SLC39A11: variants seen among roughly 807,000 people sequenced by gnomAD.
SLC39A11 encodes the protein solute carrier family 39 member 11.
Under a neutral mutation model 36.1 loss-of-function variants are expected in SLC39A11, and 33 were observed. That is an observed-to-expected ratio of 0.91 (90% CI 0.69 to 1.22). The LOEUF (loss-of-function observed/expected upper bound fraction) is 1.22, where lower values mean the gene tolerates loss of function less well. Ranked by LOEUF, SLC39A11 falls within the 50% of genes most tolerant of loss-of-function variation. SLC39A11 has a pLI of 0.00. For missense variants in SLC39A11, 432 were observed against 430.3 expected, an observed-to-expected ratio of 1.00 and a Z score of -0.03; for synonymous variants, 166 against 170.3, an observed-to-expected ratio of 0.97 and a Z score of 0.20.
At chr17:72,777,673 GC>G (rs1331966920) in intron 6 of SLC39A11, among the ~76,000 whole-genome samples, 1 of 152,120 alleles carries the variant, frequency 6.6e-6, no homozygotes, top group African/African-American at 2.4e-5. Flanking sequence ...GAGAAGCATG[GC>G]CCTGTGGACA....
intron 4 of SLC39A11, among the ~76,000 whole-genome samples, chr17:72,959,788 A>T (rs2086495005): frequency 6.6e-6 from 1 of 152,088 alleles, no homozygotes; most frequent in South Asian, 2.1e-4. Context: ...AATCACAAAA[A>T]CTATTTAAGT....
At chr17:72,669,374 T>G (rs1424772696) in intron 7 of SLC39A11, among the ~76,000 whole-genome samples, 3 of 152,204 alleles carry the variant, frequency 2.0e-5, no homozygotes, top group Non-Finnish European at 4.4e-5. Context: ...ATGTCTCCTT[T>G]GCCTCCCCTA....
intron 7 of SLC39A11, among the ~76,000 whole-genome samples, chr17:72,734,793 C>T (rs2074355869): frequency 6.6e-6 from 1 of 152,164 alleles, no homozygotes; most frequent in African/African-American, 2.4e-5. Flanking sequence ...GGGCACAGAC[C>T]TCTGCAGCGT....
chr17:73,016,988 G>A (rs889065431), intron 4 of SLC39A11, among the ~76,000 whole-genome samples: 2 of 152,310 alleles, frequency 1.3e-5, no homozygotes, highest in Middle Eastern at 3.4e-3. Context: ...AAAAATTCTA[G>A]AAGCAGGTAT....
At chr17:73,077,901 T>C (rs1033717998) in intron 3 of SLC39A11, among the ~76,000 whole-genome samples, 1 of 152,208 alleles carries the variant, frequency 6.6e-6, no homozygotes, top group South Asian at 2.1e-4. Context: ...TGTTTTATTT[T>C]GGTTTTTGTC....
chr17:72,783,422 C>T (rs1219781410), intron 6 of SLC39A11, among the ~76,000 whole-genome samples: 1 of 152,222 alleles, frequency 6.6e-6, no homozygotes, highest in Non-Finnish European at 1.5e-5. Flanking sequence ...CAGGACCTCC[C>T]TTCTGAGCCC....
At chr17:73,087,779 G>A (rs35269486) in intron 2 of SLC39A11, among the ~76,000 whole-genome samples, 54,253 of 151,824 alleles carry the variant, frequency 0.36, 9,921 homozygotes, top group South Asian at 0.42. Flanking sequence ...AGATGTAGGA[G>A]AAAGAAGTAA....
intron 6 of SLC39A11, among the ~76,000 whole-genome samples, chr17:72,844,596 G>C (rs1363944527): frequency 3.3e-5 from 5 of 152,206 alleles, no homozygotes; most frequent in African/African-American, 1.2e-4. Context: ...TTGAACCCAG[G>C]AGGTGGAGGT....
At chr17:73,043,915 T>C (rs1275112987) in intron 3 of SLC39A11, among the ~76,000 whole-genome samples, 2 of 152,306 alleles carry the variant, frequency 1.3e-5, no homozygotes, top group East Asian at 1.9e-4. Flanking sequence ...ATATCTGTAC[T>C]TAATTTGCTT....
chr17:72,952,167 T>C (rs1283136363), intron 4 of SLC39A11, among the ~76,000 whole-genome samples: 1 of 152,156 alleles, frequency 6.6e-6, no homozygotes, highest in Non-Finnish European at 1.5e-5. Context: ...TCCGGAGTAA[T>C]GCCAAGGACA....
At chr17:73,003,482 T>C (rs1380089703) in intron 4 of SLC39A11, among the ~76,000 whole-genome samples, 3 of 152,044 alleles carry the variant, frequency 2.0e-5, no homozygotes, top group African/African-American at 7.2e-5. Flanking sequence ...CTAGCACCTG[T>C]TTTAGAGAGG....
At chr17:72,736,893 C>T (rs1028518978) in intron 6 of SLC39A11, among the ~76,000 whole-genome samples, 174 bp from the exon 7 acceptor site, 1 of 152,162 alleles carries the variant, frequency 6.6e-6, no homozygotes, top group Admixed American at 6.5e-5. Flanking sequence ...TGGCTGCTGC[C>T]TTCTTCTCTA....
intron 3 of SLC39A11, among the ~76,000 whole-genome samples, chr17:73,064,132 C>T (rs1412119435): frequency 6.6e-6 from 1 of 152,094 alleles, no homozygotes; most frequent in African/African-American, 2.4e-5. Flanking sequence ...ACGCACTGGT[C>T]GGTGTGAAGC....
chr17:72,799,127 G>A (rs927004001), intron 6 of SLC39A11, among the ~76,000 whole-genome samples: 36 of 152,152 alleles, frequency 2.4e-4, no homozygotes, highest in African/African-American at 8.2e-4. Flanking sequence ...GACCCCAAAC[G>A]GAGGGACCAG....
At chr17:72,677,224 G>T (rs1012815346) in intron 7 of SLC39A11, among the ~76,000 whole-genome samples, 3 of 152,206 alleles carry the variant, frequency 2.0e-5, no homozygotes, top group Non-Finnish European at 4.4e-5. Flanking sequence ...TGACCCTAGT[G>T]GGGTGGGAGT....
intron 7 of SLC39A11, among the ~76,000 whole-genome samples, chr17:72,690,784 T>C (rs146657417): frequency 1.6e-3 from 244 of 152,096 alleles, no homozygotes; most frequent in African/African-American, 5.1e-3. Context: ...TAGACTCCAC[T>C]CCACCCTCTC....
At chr17:72,822,324 A>C (rs906606233) in intron 6 of SLC39A11, among the ~76,000 whole-genome samples, 1 of 147,060 alleles carries the variant, frequency 6.8e-6, no homozygotes, top group Non-Finnish European at 1.5e-5. Context: ...TAATATATAT[A>C]TAGAGAGAGA....
intron 3 of SLC39A11, among the ~76,000 whole-genome samples, chr17:73,042,798 G>A (rs1010900251): frequency 5.3e-5 from 8 of 152,104 alleles, no homozygotes; most frequent in Admixed American, 3.9e-4. Flanking sequence ...GTGAAACTCC[G>A]TCTCAAAATG....
chr17:72,919,985 T>C (rs9905456), intron 5 of SLC39A11, among the ~76,000 whole-genome samples: 90,508 of 152,076 alleles, frequency 0.6, 28,261 homozygotes, highest in African/African-American at 0.8. Flanking sequence ...ATCAATGGAC[T>C]GCCAGCTAGA....
Sources: allele counts gnomAD v4.1 joint callset (sites outside exome capture counted in the v4.1 genomes callset), GRCh38; gene constraint gnomAD v4.1.1; transcripts MANE v1.5; gene names NCBI Gene and HGNC (gene_info 2026-07-23, HGNC 2026-07-21).